UBAC1: variants seen among roughly 807,000 people sequenced by gnomAD.
UBAC1 encodes the protein UBA domain containing 1.
Under a neutral mutation model 45.9 loss-of-function variants are expected in UBAC1, and 27 were observed. That is an observed-to-expected ratio of 0.59 (90% CI 0.43 to 0.81). UBAC1 has a LOEUF of 0.81. Ranked by LOEUF, UBAC1 falls within the 30% of genes least tolerant of loss-of-function variation. The pLI is 0.00. For missense variants in UBAC1, 529 were observed against 539.2 expected (o/e 0.98, Z 0.19); for synonymous variants, 227 against 215.5 (o/e 1.05, Z -0.47).
intron 4 of UBAC1, among the ~76,000 whole-genome samples, chr9:135,946,766 C>T (rs1382575883): frequency 6.6e-6 from 1 of 152,262 alleles, no homozygotes; most frequent in African/African-American, 2.4e-5. Flanking sequence ...GGAGGCATGG[C>T]TGCCACACAG....
intron 2 of UBAC1, among the ~76,000 whole-genome samples, chr9:135,954,187 T>G (rs910530782): frequency 6.7e-6 from 1 of 149,174 alleles, no homozygotes; most frequent in African/African-American, 2.5e-5. Flanking sequence ...CTGGGTGCAG[T>G]GGCTCACTCC....
chr9:135,946,335 T>A lies in UBAC1; in HGVS notation c.478A>T (p.Ile160Phe), dbSNP rs1221634704. ...GCTAACAGCTTCTGCGCCACCTCGATGAGAGACACCAGTATCTTCCGGAGT... is the reference window on the plus strand; with the variant it reads ...GCTAACAGCTTCTGCGCCACCTCGAAGAGAGACACCAGTATCTTCCGGAGT... The part of the protein sequence containing the change: ...TELRKILVSL[I>F]EVAQKLLALN... The change falls in exon 5 of 10, where the codon ATC (isoleucine) becomes TTC (phenylalanine). Residue 160 changes from isoleucine to phenylalanine, a missense_variant. Ile to Phe is a conservative substitution (Grantham distance 21). Coordinates refer to ENST00000371756, the MANE Select transcript of UBAC1 (RefSeq NM_016172.3). The A allele has an allele frequency of 6.2e-7, 1 of 1,612,540 alleles. No individual in the cohort carries two copies. Among genetic ancestry groups the A allele is most frequent in the African/African-American group, 1.3e-5 (1 of 74,898 alleles).
intron 9 of UBAC1, among the ~76,000 whole-genome samples, chr9:135,936,824 A>C (rs963518554): frequency 3.0e-4 from 46 of 152,016 alleles, no homozygotes; most frequent in African/African-American, 1.0e-3. Context: ...TTCACATCTT[A>C]AAAAAAATAC....
intron 3 of UBAC1, among the ~76,000 whole-genome samples, chr9:135,951,954 G>A (rs1202232740): frequency 2.6e-5 from 4 of 152,260 alleles, no homozygotes; most frequent in Non-Finnish European, 1.5e-5. Flanking sequence ...CCAAGAGGCT[G>A]TGGGGCAACG....
At chr9:135,957,511 T>C (rs1157400182) in intron 1 of UBAC1, among the ~76,000 whole-genome samples, 1 of 152,076 alleles carries the variant, frequency 6.6e-6, no homozygotes, top group East Asian at 1.9e-4. Context: ...GACGACCGTG[T>C]CACTCTGCTT....
chr9:135,944,498 G>A (rs1839302784), intron 7 of UBAC1, among the ~76,000 whole-genome samples: 1 of 152,214 alleles, frequency 6.6e-6, no homozygotes, highest in South Asian at 2.1e-4. Flanking sequence ...GAGAGAGAAG[G>A]AAGAATGGGG....
chr9:135,952,643 C>A (rs1234684108), intron 3 of UBAC1, among the ~76,000 whole-genome samples: 1 of 152,216 alleles, frequency 6.6e-6, no homozygotes, highest in African/African-American at 2.4e-5. Context: ...TTCTGTTTTG[C>A]AAGAAATAGA....
intron 7 of UBAC1, among the ~76,000 whole-genome samples, chr9:135,942,645 T>G: frequency 7.2e-6 from 1 of 138,584 alleles, no homozygotes. Flanking sequence ...AGAGTGAAAC[T>G]GTCTCAAAAA....
chr9:135,946,191 T>C, intron 5 of UBAC1, 78 bp downstream of exon 5: 2 of 1,146,894 alleles, frequency 1.7e-6, no homozygotes, highest in Non-Finnish European at 2.6e-6. Context: ...CGGTCAGTGG[T>C]CAGTGCGTGG....
At chr9:135,955,191 G>C in intron 2 of UBAC1, 104 bp downstream of exon 2, 2 of 1,251,698 alleles carry the variant, frequency 1.6e-6, no homozygotes. Flanking sequence ...CTCGTGTCCA[G>C]CTCAGAACAC....
In UBAC1 at chr9:135,945,164, G is replaced by A. The variant is rs529674762; in HGVS notation, c.740C>T (p.Pro247Leu). Residue 247 changes from proline to leucine, a missense_variant, in exon 7 of 10, where the codon CCA (proline) becomes CTA (leucine). Pro to Leu is a moderately conservative substitution (Grantham distance 98). Coordinates refer to ENST00000371756, the MANE Select transcript of UBAC1 (RefSeq NM_016172.3). ...IDTPLPGQAP[P>L]EAEGATAAAS... ...AGCTGCTGTGGCCCCCTCGGCCTCTGGGGGAGCTTGGCCAGGAAGAGGCGT... is the reference window on the plus strand; with the variant it reads ...AGCTGCTGTGGCCCCCTCGGCCTCTAGGGGAGCTTGGCCAGGAAGAGGCGT... 17 of 1,613,344 alleles carry A rather than the reference G, an allele frequency of 1.1e-5. No individual in the cohort carries two copies. The African/African-American group carries it at 2.3e-4, about 22-fold the overall frequency.
chr9:135,935,854 G>C (rs1339231710), intron 9 of UBAC1, among the ~76,000 whole-genome samples: 1 of 152,030 alleles, frequency 6.6e-6, no homozygotes, highest in Non-Finnish European at 1.5e-5. Flanking sequence ...GTGAAACCCT[G>C]TCTCTACTAA....
intron 9 of UBAC1, among the ~76,000 whole-genome samples, chr9:135,934,085 C>T (rs1050246526): frequency 1.3e-5 from 2 of 152,256 alleles, no homozygotes; most frequent in African/African-American, 4.8e-5. Flanking sequence ...TCTGTTCCAC[C>T]CACTGTGAAG....
intron 4 of UBAC1, among the ~76,000 whole-genome samples, chr9:135,947,148 C>G (rs1588533573): frequency 6.6e-6 from 1 of 152,342 alleles, no homozygotes; most frequent in East Asian, 1.9e-4. Context: ...CGGCACAGCA[C>G]GTGCCTGCCC....
intron 5 of UBAC1, 108 bp from the exon 6 acceptor site, chr9:135,946,105 T>A: frequency 8.5e-7 from 1 of 1,179,736 alleles, no homozygotes; most frequent in Non-Finnish European, 1.2e-6. Flanking sequence ...CTGCCCGCCC[T>A]CAGGCACATC....
intron 7 of UBAC1, among the ~76,000 whole-genome samples, chr9:135,944,069 CAT>C (rs1361755725): frequency 3.9e-5 from 6 of 152,216 alleles, no homozygotes; most frequent in South Asian, 2.1e-4. Context: ...CACCATGGCA[CAT>C]GTTTACCTAT....
chr9:135,953,938 A>G, intron 2 of UBAC1, 185 bp from the exon 3 acceptor site: 3 of 374,158 alleles, frequency 8.0e-6, no homozygotes, highest in Non-Finnish European at 1.5e-5. Context: ...CAGGTGTTCA[A>G]GACAAGCCTG....
intron 8 of UBAC1, among the ~76,000 whole-genome samples, chr9:135,938,849 A>G (rs913974667): frequency 2.0e-5 from 3 of 152,214 alleles, no homozygotes; most frequent in Non-Finnish European, 4.4e-5. Flanking sequence ...GGACCTCCCC[A>G]GGCACAGCTC....
chr9:135,953,066 G>A (rs1316622044), intron 3 of UBAC1, among the ~76,000 whole-genome samples: 4 of 152,160 alleles, frequency 2.6e-5, no homozygotes, highest in African/African-American at 9.7e-5. Flanking sequence ...GCAGGTGAAG[G>A]CGGACAGCAG....
Sources: gnomAD v4.1 joint callset for allele counts (sites outside exome capture counted in the v4.1 genomes callset) on GRCh38, gnomAD v4.1.1 for gene constraint, MANE v1.5 for transcripts, NCBI Gene and HGNC (gene_info 2026-07-23, HGNC 2026-07-21) for gene names.